Variants in SRD5A3 observed in about 807,000 individuals in gnomAD.
SRD5A3 encodes the protein steroid 5 alpha-reductase 3.
SRD5A3 carries 24 observed loss-of-function variants against 34.3 expected under a neutral mutation model. The ratio of observed to expected loss-of-function variants is 0.70; its 90% CI spans 0.51 to 0.99. The LOEUF is 0.99. Among genes scored for constraint, SRD5A3 ranks in the 50% least tolerant of loss-of-function variants. The probability of loss-of-function intolerance (pLI) is 0.00; values close to 1 mark genes in which losing one functional copy is unlikely to be tolerated. For synonymous variants in SRD5A3, 161 were observed against 167.3 expected (o/e 0.96, Z 0.29); for missense variants, 350 against 388.2 (o/e 0.90, Z 0.83).
chr4:55,359,164 G>A (rs1042541783), intron 1 of SRD5A3, 182 bp from the exon 2 acceptor site: 44 of 754,534 alleles, frequency 5.8e-5, no homozygotes, highest in East Asian at 4.6e-4. Context: ...AACTGGTCCC[G>A]TTATTTGAAA....
chr4:55,354,035 A>ACCCCATAACCC, intron 1 of SRD5A3, among the ~76,000 whole-genome samples: 1 of 152,294 alleles, frequency 6.6e-6, no homozygotes, highest in Middle Eastern at 3.4e-3. Context: ...GTAAACATTA[A>ACCCCATAACCC]TTCCCCTTCT....
chr4:55,355,032 A>G (rs984615645), intron 1 of SRD5A3, among the ~76,000 whole-genome samples: 2 of 152,258 alleles, frequency 1.3e-5, no homozygotes, highest in African/African-American at 4.8e-5. Flanking sequence ...CAGTGCTACA[A>G]GTAAGCAAAG....
At chr4:55,363,306 A>G (rs1719755379) in intron 2 of SRD5A3, among the ~76,000 whole-genome samples, 1 of 152,104 alleles carries the variant, frequency 6.6e-6, no homozygotes, top group South Asian at 2.1e-4. Context: ...GTGGTGGCAC[A>G]TGACTATAGT....
Position 55,370,128 on chromosome 4 carries a change from G to T in SRD5A3, c.*37G>T. 2.5e-6 allele frequency: 4 copies of T among 1,610,766 alleles called. No homozygotes were observed. Among genetic ancestry groups the T allele is most frequent in the South Asian group, 1.1e-5 (1 of 90,928 alleles). ...TCATGAAGAATGCAAACCAGGTGATGGTTTCAATGCCTAAGGACAGTGAAG... is the reference window on the plus strand; with the variant it reads ...TCATGAAGAATGCAAACCAGGTGATTGTTTCAATGCCTAAGGACAGTGAAG... On this transcript the variant is annotated 3_prime_UTR_variant, in exon 5 of 5. Coordinates refer to ENST00000264228, the MANE Select transcript of SRD5A3 (RefSeq NM_024592.5).
chr4:55,366,431 G>GC lies in SRD5A3; in HGVS notation c.563-1152dup, dbSNP rs531112737. ...GGCCTCAAGTGATCCTCCTGCCTTG[G>GC]CCCCCGCAAAGTGCTGGGATTACAG... On this transcript the variant is annotated intron_variant, in intron 3 of 4. Transcript: ENST00000264228. 1.5e-3 allele frequency among the ~76,000 whole-genome samples: 224 copies of GC among 152,224 alleles called. 1 individual carries two copies. The highest frequency in any genetic ancestry group is 3.8e-3 in the Admixed American group (58 of 15,274).
chr4:55,354,298 A>G (rs946099962), intron 1 of SRD5A3, among the ~76,000 whole-genome samples: 7 of 152,126 alleles, frequency 4.6e-5, no homozygotes, highest in Non-Finnish European at 7.4e-5. Flanking sequence ...GGGTTTTACC[A>G]TGTTGGCCAG....
At position 55,370,704 on chromosome 4, in the gene SRD5A3, C is replaced by A. The variant is rs1400136312; in HGVS notation, c.*613C>A. 6.5e-6 allele frequency: 1 copy of A among 153,754 alleles called. No homozygotes were observed. Among genetic ancestry groups the A allele is most frequent in the Non-Finnish European group, 1.4e-5 (1 of 69,182 alleles). The allele number at this position is 153,754 out of a possible 1,614,324, so 9.5% of individuals were successfully genotyped here. ...GACCAGCCTGGGCAACATGGTGAAA[C>A]CCTATCTCCGTGAAAAAATATGAAA... On this transcript the variant is annotated 3_prime_UTR_variant, in exon 5 of 5. Coordinates refer to ENST00000264228, the MANE Select transcript of SRD5A3 (RefSeq NM_024592.5).
At position 55,370,431 on chromosome 4, in the gene SRD5A3, TCACACACACACACACACA is replaced by T. The variant is rs3034886; in HGVS notation, c.*365_*382del. On this transcript the variant is annotated 3_prime_UTR_variant, in exon 5 of 5. Coordinates refer to ENST00000264228, the MANE Select transcript of SRD5A3 (RefSeq NM_024592.5). Reference sequence around the variant, plus strand: ...AAAAACCGAAAATATACAAACAGCTTCACACACACACACACACACACACACACACACACACACACACAA... The same window carrying T: ...AAAAACCGAAAATATACAAACAGCTTCACACACACACACACACACACACAA... 12 of 225,826 alleles carry T rather than the reference TCACACACACACACACACA, an allele frequency of 5.3e-5. No homozygotes were observed. The highest frequency in any genetic ancestry group is 1.2e-4 in the African/African-American group (5 of 40,462). 14.0% of individuals were successfully genotyped at this position (225,826 alleles called of 1,614,324 possible).
chr4:55,358,284 C>T (rs1719544945), intron 1 of SRD5A3, among the ~76,000 whole-genome samples: 1 of 152,124 alleles, frequency 6.6e-6, no homozygotes, highest in South Asian at 2.1e-4. Flanking sequence ...AATCTCAGCA[C>T]TTTGGGAAGC....
intron 1 of SRD5A3, among the ~76,000 whole-genome samples, chr4:55,353,645 G>A (rs10013154): frequency 0.026 from 3,965 of 152,174 alleles, 49 homozygotes; most frequent in African/African-American, 0.03. Context: ...CACTCACTGC[G>A]AAGGTCTGCG....
rs1719789877 is a variant in SRD5A3 at position 55,364,182 on chromosome 4, T to C, written c.473T>C (p.Ile158Thr). The change falls in exon 3 of 5, where the codon ATT becomes ACT. Residue 158 changes from isoleucine to threonine, a missense_variant. Ile to Thr is a moderately conservative substitution (Grantham distance 89). Transcript: ENST00000264228. ...GTCAGTGTCTTCTCCAATGTCATGA[T>C]TCACGTCGTGCAGTACTGTTTTGGA... ...LYVSVFSNVM[I>T]HVVQYCFGLV... 1 of 1,614,160 alleles carries C rather than the reference T, an allele frequency of 6.2e-7. No individual in the cohort carries two copies. Among genetic ancestry groups the C allele is most frequent in the Non-Finnish European group, 8.5e-7 (1 of 1,180,024 alleles).
chr4:55,355,316 G>A lies in SRD5A3; in HGVS notation c.222-4030G>A, dbSNP rs545777966. 3.3e-5 allele frequency among the ~76,000 whole-genome samples: 5 copies of A among 152,242 alleles called. No homozygotes were observed. The East Asian group carries it at 9.7e-4, about 29-fold the overall frequency. On this transcript the variant is annotated intron_variant, in intron 1 of 4. Transcript: ENST00000264228. The stretch of plus-strand genomic sequence containing the variant: ...TACTAAAAATACAAAAAATTAGCTG[G>A]GCGTGGTGGCGGGCGCCTATAGTTC...
At chr4:55,364,018 A>T (rs1719782154) in intron 2 of SRD5A3, 56 bp from the exon 3 acceptor site, 16 of 1,590,616 alleles carry the variant, frequency 1.0e-5, no homozygotes, top group Non-Finnish European at 6.0e-6. Context: ...AGAAAAACAA[A>T]ACTTTGGATT....
intron 3 of SRD5A3, 33 bp downstream of exon 3, chr4:55,364,304 ACCC>A (rs1287694859): frequency 6.2e-7 from 1 of 1,610,976 alleles, no homozygotes; most frequent in Admixed American, 1.7e-5. Flanking sequence ...GGAGCTCCCC[ACCC>A]CAGGGTGTAT....
intron 3 of SRD5A3, chr4:55,364,613 G>A (rs1719810741): frequency 3.2e-6 from 1 of 312,846 alleles, no homozygotes; most frequent in African/African-American, 2.1e-5. Flanking sequence ...CTACTGGGGA[G>A]GCTGAGGCAG....
chr4:55,354,114 T>C (rs1173857063), intron 1 of SRD5A3, among the ~76,000 whole-genome samples: 1 of 152,184 alleles, frequency 6.6e-6, no homozygotes, highest in Non-Finnish European at 1.5e-5. Context: ...TTGTTTGTTT[T>C]GAGATGGAGT....
chr4:55,364,337 T>C, intron 3 of SRD5A3, 66 bp downstream of exon 3: 2 of 1,538,828 alleles, frequency 1.3e-6, no homozygotes, highest in Non-Finnish European at 1.8e-6. Flanking sequence ...TCGGGGCTTG[T>C]GCTGTGCTAA....
chr4:55,363,500 C>T (rs982814826), intron 2 of SRD5A3, among the ~76,000 whole-genome samples: 10 of 151,360 alleles, frequency 6.6e-5, no homozygotes, highest in African/African-American at 9.7e-5. Context: ...AAAAGAGAAA[C>T]TAAGTGTGTG....
intron 2 of SRD5A3, among the ~76,000 whole-genome samples, chr4:55,362,106 G>C (rs1719708228): frequency 6.6e-6 from 1 of 151,946 alleles, no homozygotes; most frequent in African/African-American, 2.4e-5. Flanking sequence ...CTACACTAGG[G>C]GGTGCTGTTC....
Sources: allele counts gnomAD v4.1 joint callset (sites outside exome capture counted in the v4.1 genomes callset), GRCh38; gene constraint gnomAD v4.1.1; transcripts MANE v1.5; gene names NCBI Gene and HGNC (gene_info 2026-07-23, HGNC 2026-07-21).